The following COL27A1 variants were observed in gnomAD, a reference collection of about 807,000 sequenced individuals.
COL27A1 encodes collagen type XXVII alpha 1 chain.
A neutral mutation model predicts 251.3 loss-of-function variants in COL27A1; 106 were observed. That is an observed-to-expected ratio of 0.42 (90% confidence interval 0.36 to 0.50). COL27A1 has a LOEUF of 0.50. Ranked by LOEUF, COL27A1 falls within the 20% of genes least tolerant of loss-of-function variation. COL27A1 has a pLI of 0.00. For synonymous variants in COL27A1, 1,000 were observed against 986.3 expected (o/e 1.01, Z -0.26); for missense variants, 2,325 against 2,522.8 (o/e 0.92, Z 1.68).
intron 60 of COL27A1, 73 bp from the exon 61 acceptor site, chr9:114,310,476 G>A: frequency 6.5e-7 from 1 of 1,546,822 alleles, no homozygotes; most frequent in South Asian, 1.1e-5. Context: ...AGGAAAGATG[G>A]AAGGGAAAAT....
chr9:114,304,773 G>A, intron 57 of COL27A1, 100 bp downstream of exon 57: 3 of 969,278 alleles, frequency 3.1e-6, no homozygotes, highest in South Asian at 2.8e-5. Flanking sequence ...GGCCTGCATG[G>A]AGCATTTCAG....
At chr9:114,178,005 A>C (rs1464698780) in intron 3 of COL27A1, among the ~76,000 whole-genome samples, 2 of 152,220 alleles carry the variant, frequency 1.3e-5, no homozygotes, top group Admixed American at 6.5e-5. Context: ...AAATAGAGGA[A>C]AAGAAGGGAC....
chr9:114,163,069 A>G (rs2135030216), intron 2 of COL27A1, among the ~76,000 whole-genome samples: 1 of 152,170 alleles, frequency 6.6e-6, no homozygotes, highest in Non-Finnish European at 1.5e-5. Context: ...CCCCATCTCT[A>G]CTAAAAATAC....
chr9:114,192,339 A>G (rs888298257), intron 5 of COL27A1, among the ~76,000 whole-genome samples: 8 of 152,204 alleles, frequency 5.3e-5, no homozygotes, highest in Non-Finnish European at 7.3e-5. Flanking sequence ...AATCCTCGGT[A>G]GCCCTAGGTC....
chr9:114,273,459 C>T, intron 36 of COL27A1: 1 of 152,450 alleles, frequency 6.6e-6, no homozygotes, highest in Non-Finnish European at 1.5e-5. Flanking sequence ...CTAGAAACTG[C>T]CCCAGCAACT....
At chr9:114,166,113 A>G (rs1014007759) in intron 2 of COL27A1, among the ~76,000 whole-genome samples, 1 of 150,232 alleles carries the variant, frequency 6.7e-6, no homozygotes, top group African/African-American at 2.5e-5. Flanking sequence ...CTATCCATCC[A>G]TCCCTTCATC....
rs1835865969 is a variant in COL27A1 at position 114,280,981 on chromosome 9, G to C, written c.3718-1296G>C. Among the ~76,000 whole-genome samples the C allele has an allele frequency of 3.3e-5, 5 of 152,194 alleles. No individual in the cohort carries two copies. In the South Asian group the frequency reaches 1.0e-3, roughly 31 times the overall value. Reference sequence around the variant, plus strand: ...GACAGGAACCAAGTCCTCTGGGTTGGTCCAGATGTTTCCTTGTTCCTCTAG... The same window carrying C: ...GACAGGAACCAAGTCCTCTGGGTTGCTCCAGATGTTTCCTTGTTCCTCTAG... On this transcript the variant is annotated intron_variant, in intron 37 of 60. Coordinates refer to ENST00000356083, the MANE Select transcript of COL27A1 (RefSeq NM_032888.4).
At position 114,167,770 on chromosome 9, in the gene COL27A1, C is replaced by T. The variant is rs200695070; in HGVS notation, c.215C>T (p.Ser72Leu). ...CCCCCGGGAGTCATTCCTTTCCAGT[C>T]GGGCTTCATCTTTACGCAGCGGGCC... Reference protein sequence around the residue: ...PAPPGVIPFQSGFIFTQRARL... With the variant: ...PAPPGVIPFQLGFIFTQRARL... Residue 72 changes from serine (S) to leucine (L), a missense_variant, in exon 3 of 61, where the codon TCG becomes TTG. By Grantham distance (145) the Ser-to-Leu change is moderately radical. Around this residue, in one of 4 missense-constraint regions of COL27A1, gnomAD observed 1,183 missense variants for 1,144.1 expected, o/e 1.03. Transcript: ENST00000356083. 21 of 1,613,788 alleles carry T rather than the reference C, an allele frequency of 1.3e-5. 1 individual carries two copies. In the African/African-American group the frequency reaches 2.4e-4, roughly 18 times the overall value.
intron 5 of COL27A1, among the ~76,000 whole-genome samples, chr9:114,189,327 CTA>C (rs1828594198): frequency 6.6e-6 from 1 of 152,170 alleles, no homozygotes; most frequent in Non-Finnish European, 1.5e-5. Flanking sequence ...ACTGTTTACT[CTA>C]TGATAGACAT....
chr9:114,231,775 T>C, intron 15 of COL27A1, 47 bp from the exon 16 acceptor site: 1 of 1,606,752 alleles, frequency 6.2e-7, no homozygotes, highest in Non-Finnish European at 8.5e-7. Context: ...TCCTGACTTC[T>C]GTGGCCTAGA....
chr9:114,265,446 C>A lies in COL27A1; in HGVS notation c.3364C>A (p.Pro1122Thr). The change falls in exon 32 of 61, where the codon CCA becomes ACA. Residue 1122 changes from proline to threonine, a missense_variant. Pro to Thr is a conservative substitution (Grantham distance 38). Coordinates refer to ENST00000356083, the MANE Select transcript of COL27A1 (RefSeq NM_032888.4). ...FPGIPGPSGP[P>T]GTKGLPGEPG... Reference sequence around the variant, plus strand: ...GGGCATCCCGGGTCCCTCAGGCCCCCCAGGCACCAAGGGCCTCCCAGGAGA... The same window carrying A: ...GGGCATCCCGGGTCCCTCAGGCCCCACAGGCACCAAGGGCCTCCCAGGAGA... 1 of 1,613,894 alleles carries A rather than the reference C, an allele frequency of 6.2e-7. No individual in the cohort carries two copies. Among genetic ancestry groups the A allele is most frequent in the South Asian group, 1.1e-5 (1 of 91,076 alleles).
intron 2 of COL27A1, among the ~76,000 whole-genome samples, chr9:114,166,825 G>A (rs553190591): frequency 1.3e-5 from 2 of 152,212 alleles, no homozygotes; most frequent in African/African-American, 2.4e-5. Context: ...ATTATTGGGC[G>A]GATGTGACCT....
chr9:114,237,807 C>A, intron 19 of COL27A1, 92 bp downstream of exon 19: 1 of 1,002,192 alleles, frequency 1.0e-6, no homozygotes, highest in Non-Finnish European at 1.6e-6. Context: ...GAAAGACTTG[C>A]TTTAGGTCAC....
rs144582127 is a variant in COL27A1, at chr9:114,223,724, C to A, written c.2466+1457C>A. Among the ~76,000 whole-genome samples, 592 of 152,270 alleles carry A rather than the reference C, an allele frequency of 3.9e-3. 5 individuals are homozygous for A. The highest frequency in any genetic ancestry group is 0.014 in the African/African-American group (579 of 41,562). ...GCTCTACCACTCATGTAATCACAAT[C>A]CTGAGCAAAATTTTTAACCACCCTA... On this transcript the variant is annotated intron_variant, in intron 14 of 60. Coordinates refer to ENST00000356083, the MANE Select transcript of COL27A1 (RefSeq NM_032888.4).
At chr9:114,154,182 G>A (rs1847991154), upstream of COL27A1, among the ~76,000 whole-genome samples, 1 of 151,998 alleles carries the variant, frequency 6.6e-6, no homozygotes, top group Admixed American at 6.6e-5. This position sits in a 1 kb window ranked among gnomAD's most constrained non-coding sequence, Gnocchi z 5.8. Flanking sequence ...CAGGCGGACC[G>A]GGTCGGCGGC....
rs374669935 is a variant in COL27A1 at position 114,168,227 on chromosome 9, C to G, written c.672C>G (p.Val224=). The G allele has an allele frequency of 2.5e-6, 4 of 1,613,996 alleles. No individual in the cohort carries two copies. Among genetic ancestry groups the G allele is most frequent in the Non-Finnish European group, 3.4e-6 (4 of 1,180,018 alleles). ...TCAGTATCTACCCTGTGACGCAGGTCGCTCACAATTACTGTACCCACCTGA... is the reference window on the plus strand; with the variant it reads ...TCAGTATCTACCCTGTGACGCAGGTGGCTCACAATTACTGTACCCACCTGA... ...CQFSIYPVTQ[V]AHNYCTHLRK... is the part of the protein sequence containing the mutation. The change falls in exon 3 of 61, where the codon GTC becomes GTG. Residue 224 remains valine (V), a synonymous_variant. Transcript: ENST00000356083.
At chr9:114,235,066 T>G in intron 16 of COL27A1, among the ~76,000 whole-genome samples, 1 of 113,356 alleles carries the variant, frequency 8.8e-6, no homozygotes, top group South Asian at 3.1e-4. Context: ...GCAACTAGAG[T>G]GAGACTCCAT....
intron 32 of COL27A1, among the ~76,000 whole-genome samples, chr9:114,266,032 A>G (rs1411835594): frequency 6.6e-6 from 1 of 152,198 alleles, no homozygotes; most frequent in Non-Finnish European, 1.5e-5. Flanking sequence ...GGGACAGTCC[A>G]GGAACCCCAT....
intron 8 of COL27A1, among the ~76,000 whole-genome samples, chr9:114,205,420 C>T (rs188322324): frequency 5.3e-5 from 8 of 152,334 alleles, no homozygotes; most frequent in Non-Finnish European, 8.8e-5. Context: ...CTGTTCCGGG[C>T]GATGTTAGGG....
Sources: gnomAD v4.1 joint callset for allele counts (sites outside exome capture counted in the v4.1 genomes callset) on GRCh38, gnomAD v4.1.1 for gene constraint, gnomAD v4.1.1 regional missense constraint, Gnocchi (gnomAD v3.1) non-coding constraint, MANE v1.5 for transcripts, NCBI Gene and HGNC (gene_info 2026-07-23, HGNC 2026-07-21) for gene names.